The following ADAMTSL1 variants were observed in gnomAD, a reference collection of about 807,000 sequenced individuals.
The protein encoded by ADAMTSL1 is ADAMTS-like protein 1.
In ADAMTSL1, 126 loss-of-function variants were observed where a neutral mutation model predicts 201.8. That is an observed-to-expected ratio of 0.62 (90% CI 0.54 to 0.72). ADAMTSL1 has a LOEUF of 0.72. Among genes scored for constraint, ADAMTSL1 ranks in the 30% least tolerant of loss-of-function variants. ADAMTSL1 has a pLI of 0.00. For synonymous variants in ADAMTSL1, 1,121 were observed against 903.4 expected (o/e 1.24, Z -4.32); for missense variants, 2,679 against 2,277.8 (o/e 1.18, Z -3.59).
chr9:18,320,297 C>T (rs2132849308), intron 2 of ADAMTSL1, among the ~76,000 whole-genome samples: 1 of 152,296 alleles, frequency 6.6e-6, no homozygotes, highest in Admixed American at 6.5e-5. Flanking sequence ...TTTTAAGCCA[C>T]TAAGTTTGTG....
At chr9:18,591,749 A>C (rs1823929672) in intron 4 of ADAMTSL1, among the ~76,000 whole-genome samples, 2 of 152,198 alleles carry the variant, frequency 1.3e-5, no homozygotes, top group South Asian at 4.1e-4. Flanking sequence ...CAATCAGTAC[A>C]TTTTGGCCAA....
At chr9:18,245,581 C>T (rs1192802664) in intron 2 of ADAMTSL1, among the ~76,000 whole-genome samples, 1 of 152,050 alleles carries the variant, frequency 6.6e-6, no homozygotes, top group African/African-American at 2.4e-5. Context: ...CTGGGTAGTC[C>T]TTAGGTGTCC....
chr9:18,017,827 T>C (rs1255365684), intron 1 of ADAMTSL1, among the ~76,000 whole-genome samples: 4 of 152,042 alleles, frequency 2.6e-5, no homozygotes, highest in African/African-American at 9.7e-5. Flanking sequence ...GATTGTGTCA[T>C]TTCTTACAGG....
At chr9:18,249,023 G>A (rs1481592967) in intron 2 of ADAMTSL1, among the ~76,000 whole-genome samples, 1 of 152,084 alleles carries the variant, frequency 6.6e-6, no homozygotes, top group Admixed American at 6.5e-5. Flanking sequence ...TGGATTGAGC[G>A]ACGATAGACT....
chr9:18,578,368 C>T (rs1822874131), intron 4 of ADAMTSL1, among the ~76,000 whole-genome samples: 1 of 152,148 alleles, frequency 6.6e-6, no homozygotes, highest in Admixed American at 6.5e-5. Context: ...TGTGTTATCC[C>T]TCTTCACCCT....
intron 2 of ADAMTSL1, among the ~76,000 whole-genome samples, chr9:18,506,862 GA>G (rs1446632081): frequency 1.3e-5 from 2 of 151,932 alleles, no homozygotes; most frequent in African/African-American, 2.4e-5. Context: ...ATTTGAAGAA[GA>G]AAAAAAGCCT....
At chr9:18,857,299 A>G (rs1203154674) in intron 23 of ADAMTSL1, among the ~76,000 whole-genome samples, 1 of 152,206 alleles carries the variant, frequency 6.6e-6, no homozygotes, top group African/African-American at 2.4e-5. Context: ...TAATGTCTTT[A>G]GTAGCAAGAG....
At chr9:18,747,145 A>G (rs1819193134) in intron 15 of ADAMTSL1, among the ~76,000 whole-genome samples, 1 of 152,184 alleles carries the variant, frequency 6.6e-6, no homozygotes, top group Admixed American at 6.5e-5. Context: ...AAGAGAGAGT[A>G]TAATATAATA....
chr9:18,675,860 C>A lies in ADAMTSL1; in HGVS notation c.1089C>A (p.Asp363Glu). 6.2e-7 allele frequency: 1 copy of A among 1,612,870 alleles called. No individual in the cohort carries two copies. Among genetic ancestry groups the A allele is most frequent in the Admixed American group, 1.7e-5 (1 of 59,984 alleles). ...TTGGCATTATTGTTCCTAACAGTGA[C>A]GGATACAAGCAGATCATGCCTTATG... Reference protein sequence around the residue: ...ECNLDPCPASDGYKQIMPYDL... With the variant: ...ECNLDPCPASEGYKQIMPYDL... The change falls in exon 10 of 29, where the codon GAC becomes GAA. Residue 363 changes from aspartate to glutamate, a missense_variant. By Grantham distance (45) the Asp-to-Glu change is conservative. Coordinates refer to ENST00000380548, the MANE Select transcript of ADAMTSL1 (RefSeq NM_001040272.6).
chr9:18,582,576 C>T (rs896589026), intron 4 of ADAMTSL1, among the ~76,000 whole-genome samples: 1 of 152,056 alleles, frequency 6.6e-6, no homozygotes, highest in African/African-American at 2.4e-5. Flanking sequence ...AGGCTGGGTG[C>T]AGTGGCTCAC....
intron 1 of ADAMTSL1, among the ~76,000 whole-genome samples, chr9:17,927,220 C>A (rs750416161): frequency 6.6e-6 from 1 of 152,080 alleles, no homozygotes; most frequent in South Asian, 2.1e-4. Flanking sequence ...TTATCCATAT[C>A]GTAGCATATA....
At chr9:17,946,574 AT>A (rs1260936102) in intron 1 of ADAMTSL1, among the ~76,000 whole-genome samples, 1 of 151,958 alleles carries the variant, frequency 6.6e-6, no homozygotes, top group Non-Finnish European at 1.5e-5. Flanking sequence ...AACTTTTTTC[AT>A]TCTGTGGTTG....
intron 1 of ADAMTSL1, among the ~76,000 whole-genome samples, chr9:17,977,242 A>AT (rs767495134): frequency 6.6e-6 from 1 of 151,796 alleles, no homozygotes. Context: ...TTTATTGATG[A>AT]TTTTTATGTC....
chr9:18,577,883 T>C (rs768894275), intron 4 of ADAMTSL1, among the ~76,000 whole-genome samples: 1 of 152,172 alleles, frequency 6.6e-6, no homozygotes, highest in Non-Finnish European at 1.5e-5. Context: ...AATTGAAACG[T>C]TCATCACAAG....
chr9:18,435,620 G>A (rs1819695123), intron 2 of ADAMTSL1, among the ~76,000 whole-genome samples: 1 of 152,202 alleles, frequency 6.6e-6, no homozygotes, highest in Non-Finnish European at 1.5e-5. Flanking sequence ...CTGGACCTTT[G>A]AAGAGATCTG....
At chr9:18,487,438 C>T (rs1445577716) in intron 1 of ADAMTSL1, among the ~76,000 whole-genome samples, 1 of 152,130 alleles carries the variant, frequency 6.6e-6, no homozygotes, top group Non-Finnish European at 1.5e-5. Context: ...ATCACATGGT[C>T]CTTCTGACTT....
At chr9:18,872,797 A>G (rs1827941849) in intron 23 of ADAMTSL1, among the ~76,000 whole-genome samples, 1 of 152,156 alleles carries the variant, frequency 6.6e-6, no homozygotes, top group Non-Finnish European at 1.5e-5. Flanking sequence ...TGCTATAAAC[A>G]TGCATGTGCA....
intron 21 of ADAMTSL1, among the ~76,000 whole-genome samples, chr9:18,818,117 T>C (rs1210995668): frequency 6.6e-6 from 1 of 152,216 alleles, no homozygotes; most frequent in Non-Finnish European, 1.5e-5. Context: ...TTTCCCTTCA[T>C]GTAGACCACT....
At chr9:18,695,538 G>A (rs1831499878) in intron 13 of ADAMTSL1, among the ~76,000 whole-genome samples, 1 of 152,164 alleles carries the variant, frequency 6.6e-6, no homozygotes, top group Non-Finnish European at 1.5e-5. Context: ...TTGCTGCTTA[G>A]AAATTTCTTC....
Sources: gnomAD v4.1 joint callset for allele counts (sites outside exome capture counted in the v4.1 genomes callset) on GRCh38, gnomAD v4.1.1 for gene constraint, MANE v1.5 for transcripts, NCBI Gene and HGNC (gene_info 2026-07-23, HGNC 2026-07-21) for gene names.